LRRN1: variants seen among roughly 807,000 people sequenced by gnomAD.
The protein encoded by LRRN1 is leucine rich repeat neuronal 1, also known as leucine-rich repeat neuronal protein 1.
Under a neutral mutation model 45.8 loss-of-function variants are expected in LRRN1, and 14 were observed. That is an observed-to-expected ratio of 0.31 (90% CI 0.20 to 0.48). The LOEUF (loss-of-function observed/expected upper bound fraction) is 0.48. LRRN1 is among the 20% of genes least tolerant of loss of function. LRRN1 has a pLI of 0.99. For missense variants in LRRN1, 789 were observed against 874.2 expected, an observed-to-expected ratio of 0.90 and a Z score of 1.23; for synonymous variants, 359 against 330.1, an observed-to-expected ratio of 1.09 and a Z score of -0.95.
chr3:3,813,638 C>T (rs1028924641), intron 1 of LRRN1, among the ~76,000 whole-genome samples: 3 of 152,098 alleles, frequency 2.0e-5, no homozygotes, highest in Non-Finnish European at 4.4e-5. Flanking sequence ...CCAACCATAA[C>T]CTCACTTCCA....
At chr3:3,802,772 T>A (rs1393269663) in intron 1 of LRRN1, among the ~76,000 whole-genome samples, 7 of 152,260 alleles carry the variant, frequency 4.6e-5, no homozygotes, top group Admixed American at 4.6e-4. Context: ...CTGATAGAGT[T>A]GAAGGGTAAC....
intron 1 of LRRN1, among the ~76,000 whole-genome samples, chr3:3,807,870 C>T (rs555356213): frequency 6.6e-5 from 10 of 152,270 alleles, no homozygotes; most frequent in African/African-American, 2.4e-4. Flanking sequence ...AGGCCTAACC[C>T]CCCAAAGGAC....
intron 1 of LRRN1, among the ~76,000 whole-genome samples, chr3:3,836,018 T>C (rs1575297620): frequency 6.6e-6 from 1 of 152,294 alleles, no homozygotes; most frequent in Non-Finnish European, 1.5e-5. Flanking sequence ...ATCACCCTGG[T>C]AATTAGCAGG....
At chr3:3,827,006 A>G (rs970438217) in intron 1 of LRRN1, among the ~76,000 whole-genome samples, 1 of 151,944 alleles carries the variant, frequency 6.6e-6, no homozygotes, top group Non-Finnish European at 1.5e-5. Flanking sequence ...TCAACGATCT[A>G]TGCCTTACTT....
intron 1 of LRRN1, among the ~76,000 whole-genome samples, chr3:3,802,456 C>A (rs892154099): frequency 1.2e-4 from 18 of 152,060 alleles, no homozygotes; most frequent in Non-Finnish European, 2.5e-4. Flanking sequence ...AATACAACAC[C>A]CCCCCAACCC....
Position 3,846,311 on chromosome 3 carries a change from C to T in LRRN1, c.1670C>T (p.Ser557Leu), listed in dbSNP as rs774103125. ...SNVMTSNLKW[S>L]SATMKIDNPH... The stretch of plus-strand genomic sequence containing the variant: ...GTCATGACGTCAAACTTAAAATGGT[C>T]GTCTGCCACCATGAAGATTGATAAC... Residue 557 changes from serine (S) to leucine (L), a missense_variant, in exon 2 of 2, where the codon TCG (serine) becomes TTG (leucine). By Grantham distance (145) the Ser-to-Leu change is moderately radical. Coordinates refer to ENST00000319331, the MANE Select transcript of LRRN1 (RefSeq NM_020873.7). This position sits in a 1 kb window ranked among gnomAD's most constrained non-coding sequence, Gnocchi z 5.7. 45 of 1,613,798 alleles carry T rather than the reference C, an allele frequency of 2.8e-5. No individual in the cohort carries two copies. In the East Asian group the frequency reaches 8.7e-4, roughly 31 times the overall value.
At chr3:3,829,238 A>G (rs1044612138) in intron 1 of LRRN1, among the ~76,000 whole-genome samples, 1 of 151,290 alleles carries the variant, frequency 6.6e-6, no homozygotes, top group Admixed American at 6.6e-5. Flanking sequence ...CAAAACTGTA[A>G]CTCCCTTCTT....
intron 1 of LRRN1, among the ~76,000 whole-genome samples, chr3:3,834,543 TATATATATATG>T (rs1402160361): frequency 8.7e-6 from 1 of 115,042 alleles, no homozygotes; most frequent in Non-Finnish European, 1.8e-5. Flanking sequence ...TATATATATA[TATATATATATG>T]ATATATATAT....
At chr3:3,808,357 C>T (rs1341458578) in intron 1 of LRRN1, among the ~76,000 whole-genome samples, 1 of 152,160 alleles carries the variant, frequency 6.6e-6, no homozygotes, top group African/African-American at 2.4e-5. Context: ...GTAATGTAGA[C>T]ACCCACTTTA....
intron 1 of LRRN1, among the ~76,000 whole-genome samples, chr3:3,817,855 T>C (rs531428861): frequency 6.6e-6 from 1 of 152,334 alleles, no homozygotes; most frequent in Admixed American, 6.5e-5. Flanking sequence ...GCCATTTTCT[T>C]GATGAGGAGA....
intron 1 of LRRN1, among the ~76,000 whole-genome samples, chr3:3,803,818 G>C (rs1692704666): frequency 6.6e-6 from 1 of 152,094 alleles, no homozygotes; most frequent in South Asian, 2.1e-4. Context: ...GGTCTTTTTA[G>C]GTGAAGTTTG....
At chr3:3,831,256 G>C (rs1693367099) in intron 1 of LRRN1, among the ~76,000 whole-genome samples, 1 of 152,202 alleles carries the variant, frequency 6.6e-6, no homozygotes, top group Non-Finnish European at 1.5e-5. Flanking sequence ...GGTTGTAGGA[G>C]GGGCCAAATA....
At chr3:3,834,321 T>C (rs372582656) in intron 1 of LRRN1, among the ~76,000 whole-genome samples, 7 of 151,776 alleles carry the variant, frequency 4.6e-5, no homozygotes, top group Non-Finnish European at 4.4e-5. Flanking sequence ...CATAAGTCTC[T>C]AAATAGTTTA....
At chr3:3,841,231 C>T (rs1693645842) in intron 1 of LRRN1, among the ~76,000 whole-genome samples, 2 of 142,154 alleles carry the variant, frequency 1.4e-5, no homozygotes, top group Non-Finnish European at 3.0e-5. Context: ...GCAGAGGTTG[C>T]AGTGAGCCGA....
intron 1 of LRRN1, among the ~76,000 whole-genome samples, chr3:3,811,792 T>C (rs990501269): frequency 6.6e-6 from 1 of 152,228 alleles, no homozygotes; most frequent in African/African-American, 2.4e-5. Context: ...GTGTTATTTC[T>C]GTCCAGATGA....
At chr3:3,822,583 G>T (rs537515282) in intron 1 of LRRN1, among the ~76,000 whole-genome samples, 1 of 152,130 alleles carries the variant, frequency 6.6e-6, no homozygotes, top group East Asian at 1.9e-4. Flanking sequence ...AATGCTTCAG[G>T]TGTCATTCAA....
At chr3:3,823,379 C>T (rs557886926) in intron 1 of LRRN1, among the ~76,000 whole-genome samples, 2 of 151,550 alleles carry the variant, frequency 1.3e-5, no homozygotes, top group East Asian at 3.9e-4. Flanking sequence ...TAGTACCTAG[C>T]TCCTGGGGAT....
At chr3:3,838,029 G>A (rs771272474) in intron 1 of LRRN1, among the ~76,000 whole-genome samples, 4 of 152,038 alleles carry the variant, frequency 2.6e-5, no homozygotes, top group Non-Finnish European at 5.9e-5. Flanking sequence ...GATAATGGCT[G>A]CCAGCTTCAT....
intron 1 of LRRN1, among the ~76,000 whole-genome samples, chr3:3,811,032 A>C (rs1692861164): frequency 6.6e-6 from 1 of 152,170 alleles, no homozygotes; most frequent in African/African-American, 2.4e-5. Flanking sequence ...CCATACTCTT[A>C]GCTCTGGGGG....
Sources: allele counts gnomAD v4.1 joint callset (sites outside exome capture counted in the v4.1 genomes callset), GRCh38; gene constraint gnomAD v4.1.1; non-coding constraint Gnocchi (gnomAD v3.1); transcripts MANE v1.5; gene names NCBI Gene and HGNC (gene_info 2026-07-23, HGNC 2026-07-21).